The following CWF19L2 variants were observed in gnomAD, a reference collection of about 807,000 sequenced individuals.
The protein encoded by CWF19L2 is CWF19-like protein 2.
Under a neutral mutation model 111.7 loss-of-function variants are expected in CWF19L2, and 98 were observed. The ratio of observed to expected loss-of-function variants is 0.88; its 90% CI spans 0.75 to 1.04. The LOEUF is 1.04. CWF19L2 is among the 50% of genes least tolerant of loss of function. CWF19L2 has a pLI of 0.00. For missense variants in CWF19L2, 1,101 were observed against 1,051.4 expected (o/e 1.05, Z -0.65); for synonymous variants, 351 against 342.9 (o/e 1.02, Z -0.26).
chr11:107,456,719 G>C (rs1329557172), intron 1 of CWF19L2, among the ~76,000 whole-genome samples: 1 of 152,114 alleles, frequency 6.6e-6, no homozygotes, highest in Non-Finnish European at 1.5e-5. Flanking sequence ...TTTTCCCTGG[G>C]TGCATATAAT....
intron 12 of CWF19L2, among the ~76,000 whole-genome samples, chr11:107,370,990 G>A (rs1286403653): frequency 2.3e-5 from 3 of 130,764 alleles, no homozygotes; most frequent in Admixed American, 7.6e-5. Flanking sequence ...GCTATTTCAC[G>A]ATGTTAAGAT....
intron 12 of CWF19L2, among the ~76,000 whole-genome samples, chr11:107,354,456 C>T (rs911098337): frequency 7.9e-5 from 12 of 152,208 alleles, no homozygotes; most frequent in Non-Finnish European, 1.8e-4. Context: ...ATGGTTGTAA[C>T]AATACTGCCT....
At chr11:107,392,974 T>C (rs555380461) in intron 10 of CWF19L2, 79 bp from the exon 11 acceptor site, 102 of 880,728 alleles carry the variant, frequency 1.2e-4, no homozygotes, top group Non-Finnish European at 1.7e-4. Flanking sequence ...AAAAAAAGCA[T>C]TAAAATGATT....
In CWF19L2 at chr11:107,372,611, T is replaced by C. The variant is rs111828203; in HGVS notation, c.1872+17463A>G. 3.0e-4 allele frequency among the ~76,000 whole-genome samples: 41 copies of C among 136,598 alleles called. 7 individuals are homozygous for C. Among genetic ancestry groups the C allele is most frequent in the African/African-American group, 1.2e-3 (41 of 33,986 alleles). The allele number at this position is 136,598 out of a possible 152,430, so 89.6% of individuals were successfully genotyped here. A position where few individuals can be genotyped will look rare whatever the true frequency, so the allele number is the denominator to read the frequency against. On this transcript the variant is annotated intron_variant, in intron 12 of 17. Coordinates refer to ENST00000282251, the MANE Select transcript of CWF19L2 (RefSeq NM_152434.3). ...ATTCAAAATGTTTAAACCTAGGGAC[T>C]AAAGGATGAGATGCACATTTTGAAC...
chr11:107,369,961 T>G (rs1210251433), intron 12 of CWF19L2, among the ~76,000 whole-genome samples: 1 of 137,816 alleles, frequency 7.3e-6, no homozygotes, highest in African/African-American at 2.9e-5. Context: ...CAGGCTGGAG[T>G]GCAGTGTTGG....
At chr11:107,373,621 C>T (rs1367226687) in intron 12 of CWF19L2, among the ~76,000 whole-genome samples, 2 of 127,992 alleles carry the variant, frequency 1.6e-5, no homozygotes, top group African/African-American at 6.1e-5. Context: ...CCCATCTGTA[C>T]ATCACCATCA....
At chr11:107,390,275 A>T in intron 11 of CWF19L2, 64 bp from the exon 12 acceptor site, 1 of 1,247,348 alleles carries the variant, frequency 8.0e-7, no homozygotes, top group Non-Finnish European at 1.1e-6. Context: ...TTCTTGATGG[A>T]TTACATAAAT....
intron 10 of CWF19L2, among the ~76,000 whole-genome samples, chr11:107,396,973 G>C (rs1480736874): frequency 6.6e-6 from 1 of 152,158 alleles, no homozygotes; most frequent in Non-Finnish European, 1.5e-5. Flanking sequence ...AGGGGGCCAA[G>C]TGAAATACAG....
At chr11:107,347,716 T>C (rs1022399532) in intron 14 of CWF19L2, among the ~76,000 whole-genome samples, 5 of 152,204 alleles carry the variant, frequency 3.3e-5, no homozygotes, top group African/African-American at 1.2e-4. Flanking sequence ...TCTCTTCATT[T>C]CTTACAGCAC....
At chr11:107,337,856 G>T (rs935485693) in intron 14 of CWF19L2, among the ~76,000 whole-genome samples, 1 of 152,064 alleles carries the variant, frequency 6.6e-6, no homozygotes, top group African/African-American at 2.4e-5. Context: ...TAAACATTTT[G>T]TTTTGAGGTA....
intron 10 of CWF19L2, among the ~76,000 whole-genome samples, chr11:107,409,185 C>T (rs1433508872): frequency 6.6e-6 from 1 of 151,490 alleles, no homozygotes; most frequent in Middle Eastern, 3.2e-3. Context: ...GAACGATGCA[C>T]CCAAGAATCA....
chr11:107,391,418 T>C (rs151198127), intron 11 of CWF19L2, among the ~76,000 whole-genome samples: 34 of 152,332 alleles, frequency 2.2e-4, no homozygotes, highest in African/African-American at 7.9e-4. Flanking sequence ...GTCCTAATCT[T>C]GGACTTCTCA....
chr11:107,367,996 A>C lies in CWF19L2; in HGVS notation c.1873-14260T>G, dbSNP rs570902523. 3.0e-4 allele frequency among the ~76,000 whole-genome samples: 41 copies of C among 136,902 alleles called. 6 individuals are homozygous for C. Among genetic ancestry groups the C allele is most frequent in the African/African-American group, 1.1e-3 (39 of 34,272 alleles). 89.8% of individuals were successfully genotyped at this position (136,902 alleles called of 152,430 possible). A position where few individuals can be genotyped will look rare whatever the true frequency, so the allele number is the denominator to read the frequency against. On this transcript the variant is annotated intron_variant, in intron 12 of 17. Transcript: ENST00000282251. The stretch of plus-strand genomic sequence containing the variant: ...ATAGCATTAAATGCCTACATCAACA[A>C]AGTAGAAAAATAACAAATGAAAAAT...
At chr11:107,413,205 A>T (rs553619366) in intron 10 of CWF19L2, among the ~76,000 whole-genome samples, 1 of 152,226 alleles carries the variant, frequency 6.6e-6, no homozygotes, top group East Asian at 1.9e-4. Context: ...ATAACGGGGG[A>T]GGCTGTGCTT....
At chr11:107,348,755 A>C (rs186905210) in intron 14 of CWF19L2, 182 bp downstream of exon 14, 1 of 371,826 alleles carries the variant, frequency 2.7e-6, no homozygotes, top group Non-Finnish European at 5.0e-6. Flanking sequence ...TCTGGAGTAC[A>C]CAAGGGAAAT....
intron 1 of CWF19L2, among the ~76,000 whole-genome samples, chr11:107,456,836 G>A (rs1237097409): frequency 6.6e-6 from 1 of 152,180 alleles, no homozygotes; most frequent in East Asian, 1.9e-4. Context: ...AGAACAGGGT[G>A]AGAAAATTGG....
At chr11:107,427,247 G>T (rs1861391502) in intron 8 of CWF19L2, among the ~76,000 whole-genome samples, 1 of 151,352 alleles carries the variant, frequency 6.6e-6, no homozygotes, top group African/African-American at 2.4e-5. Flanking sequence ...ATGATTCCTA[G>T]ATTTTTCTTT....
chr11:107,449,582 G>A (rs1304076956), intron 3 of CWF19L2, among the ~76,000 whole-genome samples: 1 of 152,026 alleles, frequency 6.6e-6, no homozygotes, highest in Admixed American at 6.5e-5. Context: ...AAAAAATATG[G>A]TAGGAGAAAA....
intron 16 of CWF19L2, among the ~76,000 whole-genome samples, chr11:107,332,455 A>AT (rs1859863329): frequency 1.1e-4 from 16 of 152,224 alleles, no homozygotes; most frequent in African/African-American, 2.9e-4. Flanking sequence ...AGAGAAGCTT[A>AT]CCTTCATACA....
Sources: allele counts gnomAD v4.1 joint callset (sites outside exome capture counted in the v4.1 genomes callset), GRCh38; gene constraint gnomAD v4.1.1; transcripts MANE v1.5; gene names NCBI Gene and HGNC (gene_info 2026-07-23, HGNC 2026-07-21).